The following DSCAM variants were observed in gnomAD, a reference collection of about 807,000 sequenced individuals.
DSCAM encodes the protein cell adhesion molecule DSCAM.
In DSCAM, 47 loss-of-function variants were observed where a neutral mutation model predicts 217.7. That is an observed-to-expected ratio of 0.22 (90% CI 0.17 to 0.28). The LOEUF (loss-of-function observed/expected upper bound fraction) is 0.28. Among genes scored for constraint, DSCAM ranks in the 10% least tolerant of loss-of-function variants. The pLI is 1.00. For missense variants in DSCAM, 2,080 were observed against 2,618.3 expected (o/e 0.79, Z 4.49); for synonymous variants, 1,056 against 1,015.3 (o/e 1.04, Z -0.76).
chr21:40,681,517 G>A (rs1483945635), intron 3 of DSCAM, among the ~76,000 whole-genome samples: 1 of 146,062 alleles, frequency 6.8e-6, no homozygotes, highest in Non-Finnish European at 1.5e-5. Context: ...GAATCTCATT[G>A]AGTATATATT....
intron 3 of DSCAM, among the ~76,000 whole-genome samples, chr21:40,439,653 G>A (rs1015486763): frequency 2.7e-5 from 4 of 150,328 alleles, no homozygotes; most frequent in African/African-American, 9.8e-5. Flanking sequence ...CTCAAGACTG[G>A]GAAGAAAAAG....
At chr21:40,027,109 A>G (rs1339453804) in intron 32 of DSCAM, among the ~76,000 whole-genome samples, 1 of 152,280 alleles carries the variant, frequency 6.6e-6, no homozygotes, top group African/African-American at 2.4e-5. Flanking sequence ...TTGTCTGTAA[A>G]GTATTTTATT....
At chr21:40,099,356 G>T (rs1016675608) in intron 20 of DSCAM, among the ~76,000 whole-genome samples, 4 of 152,086 alleles carry the variant, frequency 2.6e-5, no homozygotes, top group Admixed American at 1.3e-4. Context: ...AAGTAAAAAA[G>T]GTATATTCAT....
Position 40,708,611 on chromosome 21 carries a change from A to G in DSCAM, c.204T>C (p.Asp68=), listed in dbSNP as rs758550833. The change falls in exon 2 of 33, where the codon GAT becomes GAC. Residue 68 remains aspartate, a synonymous_variant. Coordinates refer to ENST00000400454, the MANE Select transcript of DSCAM (RefSeq NM_001389.5). ...GGTGGACGTGGCGGATCCCGGGGAC[A>G]TCGTAGATCTCCTCGCCCGTGGCTA... ...WYLATGEEIY[D]VPGIRHVHPN... The G allele has an allele frequency of 6.9e-5, 112 of 1,612,212 alleles. No homozygotes were observed. The highest frequency in any genetic ancestry group is 8.8e-5 in the Non-Finnish European group (104 of 1,179,220).
intron 1 of DSCAM, among the ~76,000 whole-genome samples, chr21:40,734,411 G>A (rs758179514): frequency 3.9e-5 from 6 of 152,212 alleles, no homozygotes; most frequent in Non-Finnish European, 7.3e-5. Context: ...ATGCTTGGAT[G>A]CAGGGAGCCT....
intron 11 of DSCAM, among the ~76,000 whole-genome samples, chr21:40,202,558 C>T (rs971742795): frequency 2.0e-4 from 31 of 152,162 alleles, no homozygotes; most frequent in Admixed American, 7.2e-4. Flanking sequence ...AATTACAGCA[C>T]CCCCTCCTAG....
chr21:40,472,760 A>T (rs751987864), intron 3 of DSCAM, among the ~76,000 whole-genome samples: 5 of 152,168 alleles, frequency 3.3e-5, no homozygotes, highest in Non-Finnish European at 5.9e-5. Flanking sequence ...CCTCATACTC[A>T]TTTCTCAGAG....
intron 3 of DSCAM, among the ~76,000 whole-genome samples, chr21:40,387,709 A>G (rs1255856137): frequency 2.0e-5 from 3 of 152,204 alleles, no homozygotes; most frequent in Non-Finnish European, 4.4e-5. Flanking sequence ...AAGAAGCAAT[A>G]GAGGCCTCAG....
At chr21:40,781,998 A>AAG (rs1555888295) in intron 1 of DSCAM, among the ~76,000 whole-genome samples, 3 of 148,802 alleles carry the variant, frequency 2.0e-5, no homozygotes, top group African/African-American at 5.0e-5. Flanking sequence ...AATACAAAAA[A>AAG]AAAAAAAAAA....
chr21:40,264,056 TA>T (rs113936417), intron 11 of DSCAM, among the ~76,000 whole-genome samples: 35 of 147,984 alleles, frequency 2.4e-4, no homozygotes, highest in Admixed American at 1.4e-3. Context: ...GAATCAGCAA[TA>T]AAAAAAAAAT....
intron 3 of DSCAM, among the ~76,000 whole-genome samples, chr21:40,528,293 C>T (rs1343380800): frequency 6.6e-6 from 1 of 152,144 alleles, no homozygotes; most frequent in Non-Finnish European, 1.5e-5. Flanking sequence ...CGAGATTCAT[C>T]ATATTAACTT....
chr21:40,625,607 T>A (rs2089589840), intron 3 of DSCAM, among the ~76,000 whole-genome samples: 1 of 152,090 alleles, frequency 6.6e-6, no homozygotes, highest in African/African-American at 2.4e-5. Context: ...TCAAGGCGGA[T>A]CCTGCTGCAG....
At chr21:40,728,629 A>G (rs1004870480) in intron 1 of DSCAM, among the ~76,000 whole-genome samples, 1 of 152,100 alleles carries the variant, frequency 6.6e-6, no homozygotes, top group Admixed American at 6.5e-5. Context: ...CATGTTGGCC[A>G]GGCTGGTCTC....
At chr21:40,233,049 G>A (rs74830481) in intron 11 of DSCAM, among the ~76,000 whole-genome samples, 3,122 of 152,182 alleles carry the variant, frequency 0.021, 109 homozygotes, top group East Asian at 0.15. Context: ...AGATAACGGA[G>A]AGGATCAGAA....
intron 3 of DSCAM, among the ~76,000 whole-genome samples, chr21:40,399,735 T>C (rs2075216812): frequency 6.6e-6 from 1 of 152,192 alleles, no homozygotes; most frequent in Non-Finnish European, 1.5e-5. Flanking sequence ...TCATTTTTAT[T>C]TAACAAGAAT....
At chr21:40,608,277 G>T (rs1397175830) in intron 3 of DSCAM, among the ~76,000 whole-genome samples, 11 of 152,108 alleles carry the variant, frequency 7.2e-5, no homozygotes, top group Non-Finnish European at 1.3e-4. Context: ...TGGCATTAGG[G>T]ATAAAAATTA....
chr21:40,833,869 T>C (rs2092031987), intron 1 of DSCAM, among the ~76,000 whole-genome samples: 1 of 152,122 alleles, frequency 6.6e-6, no homozygotes, highest in Admixed American at 6.5e-5. Context: ...AACTGGATCA[T>C]TCTTTGTCGT....
intron 3 of DSCAM, among the ~76,000 whole-genome samples, chr21:40,489,436 C>T (rs1283555321): frequency 6.6e-6 from 1 of 152,144 alleles, no homozygotes; most frequent in Non-Finnish European, 1.5e-5. Context: ...GATTTATCAG[C>T]CTCCGTAATC....
At chr21:40,158,510 C>A (rs1183021606) in intron 16 of DSCAM, among the ~76,000 whole-genome samples, 1 of 152,212 alleles carries the variant, frequency 6.6e-6, no homozygotes, top group East Asian at 1.9e-4. Flanking sequence ...AGACCAAGGG[C>A]CCCTGTGAAC....
Sources: gnomAD v4.1 joint callset for allele counts (sites outside exome capture counted in the v4.1 genomes callset) on GRCh38, gnomAD v4.1.1 for gene constraint, MANE v1.5 for transcripts, NCBI Gene and HGNC (gene_info 2026-07-23, HGNC 2026-07-21) for gene names.